Variants in RNF222 observed in about 807,000 individuals in gnomAD.
RNF222 encodes ring finger protein 222.
A neutral mutation model predicts 10.8 loss-of-function variants in RNF222; 14 were observed. The observed-to-expected ratio is 1.30, with a 90% CI of 0.86 to 2.03. RNF222 has a LOEUF of 2.03. RNF222 is among the 30% of genes most tolerant of loss of function. The pLI is 0.00. For missense variants in RNF222, 298 were observed against 295.8 expected (o/e 1.01, Z -0.06); for synonymous variants, 141 against 142.5 (o/e 0.99, Z 0.07).
chr17:8,394,383 G>A (rs1436168482), intron 1 of RNF222, 54 bp from the exon 2 acceptor site: 5 of 152,012 alleles, frequency 3.3e-5, no homozygotes, highest in Admixed American at 2.6e-4. Flanking sequence ...TGAAATCAAA[G>A]CTATGGAGTA....
At chr17:8,394,118 T>C (rs1907963107) in intron 2 of RNF222, 60 bp downstream of exon 2, 1 of 152,252 alleles carries the variant, frequency 6.6e-6, no homozygotes, top group Admixed American at 6.5e-5. Flanking sequence ...ACTTACACAT[T>C]CAAATGCCTG....
At position 8,393,408 on chromosome 17, in the gene RNF222, A is replaced by G. The variant is rs1338953355; in HGVS notation, c.54T>C (p.Tyr18=). The G allele has an allele frequency of 3.2e-6, 5 of 1,549,020 alleles. No individual in the cohort carries two copies. Among genetic ancestry groups the G allele is most frequent in the South Asian group, 2.4e-5 (2 of 84,012 alleles). ...DSSGSECPVC[Y]EKFRDLEGAS... ...CGCCCTCCAGGTCCCGGAACTTCTC[A>G]TAGCACACGGGGCACTCACTGCCCG... The change falls in exon 3 of 3, where the codon TAT becomes TAC. Residue 18 remains tyrosine, a synonymous_variant. Transcript: ENST00000399398.
chr17:8,396,774 G>A (rs568821986), intron 1 of RNF222, among the ~76,000 whole-genome samples: 14 of 152,086 alleles, frequency 9.2e-5, no homozygotes, highest in African/African-American at 2.2e-4. Flanking sequence ...TGCCTCTCTC[G>A]CTTTCTGAAT....
intron 1 of RNF222, among the ~76,000 whole-genome samples, chr17:8,396,750 C>T (rs946352672): frequency 1.3e-5 from 2 of 152,196 alleles, no homozygotes; most frequent in Admixed American, 1.3e-4. Context: ...CAGTCTTTCC[C>T]TGACCCCTCC....
Position 8,396,386 on chromosome 17 carries a change from C to T in RNF222, c.-178+1309G>A, listed in dbSNP as rs536070309. On this transcript the variant is annotated intron_variant, in intron 1 of 2. Coordinates refer to ENST00000399398, the MANE Select transcript of RNF222 (RefSeq NM_001146684.3). ...TATTAGCCAAGTTAGAAAGCACCGTCCTCCTTGAGACGAGCAGGGAAGGAG... is the reference window on the plus strand; with the variant it reads ...TATTAGCCAAGTTAGAAAGCACCGTTCTCCTTGAGACGAGCAGGGAAGGAG... Among the ~76,000 whole-genome samples, 5 of 152,232 alleles carry T rather than the reference C, an allele frequency of 3.3e-5. No homozygotes were observed. In the South Asian group the frequency reaches 1.0e-3, roughly 32 times the overall value.
rs2151680750 is a variant in RNF222 at position 8,391,710 on chromosome 17, A to T, written c.*1089T>A. On this transcript the variant is annotated 3_prime_UTR_variant, in exon 3 of 3. Coordinates refer to ENST00000399398, the MANE Select transcript of RNF222 (RefSeq NM_001146684.3). The stretch of plus-strand genomic sequence containing the variant: ...CTAGACCCAACCTGAGGCTCTTCAC[A>T]GTCCAACGTGGGGGCCCCAGGCAAA... 1 of 152,358 alleles carries T rather than the reference A, an allele frequency of 6.6e-6. No homozygotes were observed. The highest frequency in any genetic ancestry group is 1.5e-5 in the Non-Finnish European group (1 of 68,058). 9.4% of individuals were successfully genotyped at this position (152,358 alleles called of 1,614,324 possible). A position where few individuals can be genotyped will look rare whatever the true frequency, so the allele number is the denominator to read the frequency against.
At chr17:8,394,457 A>T (rs1372778121) in intron 1 of RNF222, 128 bp from the exon 2 acceptor site, 107 of 117,750 alleles carry the variant, frequency 9.1e-4, no homozygotes, top group African/African-American at 3.1e-3. Context: ...TTTTTTTTTG[A>T]GAGGGAGTTT....
chr17:8,393,245 T>G lies in RNF222; in HGVS notation c.217A>C (p.Lys73Gln). ...ICRYVTFLSK[K>Q]SSRWPSMLDK... ...AGCATGGAGGGCCAGCGGGAGCTCT[T>G]CTTGCTGAGGAATGTGACGTAGCGG... The change falls in exon 3 of 3, where the codon AAG becomes CAG. Residue 73 changes from lysine to glutamine, a missense_variant. By Grantham distance (53) the Lys-to-Gln change is moderately conservative (BLOSUM62 1). Transcript: ENST00000399398. The G allele has an allele frequency of 6.4e-7, 1 of 1,551,158 alleles. No individual in the cohort carries two copies. The highest frequency in any genetic ancestry group is 8.7e-7 in the Non-Finnish European group (1 of 1,146,964).
At position 8,394,177 on chromosome 17, in the gene RNF222, C is replaced by T. The variant is rs1206619332; in HGVS notation, c.-26+1G>A. 6.6e-6 allele frequency: 1 copy of T among 152,270 alleles called. No individual in the cohort carries two copies. Among genetic ancestry groups the T allele is most frequent in the East Asian group, 1.9e-4 (1 of 5,202 alleles). 9.4% of individuals were successfully genotyped at this position (152,270 alleles called of 1,614,324 possible). On this transcript the variant is annotated splice_donor_variant, in intron 2 of 2. Transcript: ENST00000399398. LOFTEE classifies it low-confidence loss of function (5UTR_SPLICE). Reference sequence around the variant, plus strand: ...AGGGAGCTTTAGGTTCATTCCCTCACCTGCCACAGCTCAGTCATTCTCCAA... The same window carrying T: ...AGGGAGCTTTAGGTTCATTCCCTCATCTGCCACAGCTCAGTCATTCTCCAA...
In RNF222 at chr17:8,392,865, G is replaced by T. The variant is rs1005841353; in HGVS notation, c.597C>A (p.Leu199=). The T allele has an allele frequency of 6.5e-7, 1 of 1,533,412 alleles. No homozygotes were observed. The highest frequency in any genetic ancestry group is 8.7e-7 in the Non-Finnish European group (1 of 1,146,302). 95.0% of individuals were successfully genotyped at this position (1,533,412 alleles called of 1,614,324 possible). A position where few individuals can be genotyped will look rare whatever the true frequency, so the allele number is the denominator to read the frequency against. ...CGGCCACCACGGCCACCACAGCGAT[G>T]AGCGTGATGAGCAGCAGGGCCCGCG... The part of the protein sequence containing the change: ...CRSRALLLIT[L]IAVVAVVAAI... Residue 199 remains leucine (L), a synonymous_variant, in exon 3 of 3, where the codon CTC becomes CTA. Coordinates refer to ENST00000399398, the MANE Select transcript of RNF222 (RefSeq NM_001146684.3). This position sits in a 1 kb window ranked among gnomAD's most constrained non-coding sequence, Gnocchi z 4.3.
At chr17:8,393,843 T>C (rs1222397541) in intron 2 of RNF222, among the ~76,000 whole-genome samples, 1 of 152,176 alleles carries the variant, frequency 6.6e-6, no homozygotes, top group African/African-American at 2.4e-5. Flanking sequence ...CACCTCTTCC[T>C]GCTTCAGTGA....
intron 1 of RNF222, among the ~76,000 whole-genome samples, chr17:8,394,663 C>G (rs1907984364): frequency 6.6e-6 from 1 of 152,178 alleles, no homozygotes; most frequent in Non-Finnish European, 1.5e-5. Context: ...GTCTTGAACT[C>G]CTGACCTCCG....
Position 8,397,751 on chromosome 17 carries a change from C to G in RNF222, c.-234G>C, listed in dbSNP as rs1019124961. On this transcript the variant is annotated 5_prime_UTR_variant, in exon 1 of 3. Transcript: ENST00000399398. ...GGCCTCCAGCAGATCTGAGCCACCC[C>G]GAGGTGCTGAGCAGCAGCACGATCT... The G allele has an allele frequency of 1.3e-5, 2 of 152,560 alleles. No homozygotes were observed. The highest frequency in any genetic ancestry group is 6.5e-5 in the Admixed American group (1 of 15,274). 9.5% of individuals were successfully genotyped at this position (152,560 alleles called of 1,614,324 possible).
In RNF222 at chr17:8,391,938, G is replaced by A. The variant is rs1422833142; in HGVS notation, c.*861C>T. 6.6e-6 allele frequency: 1 copy of A among 152,332 alleles called. No individual in the cohort carries two copies. Among genetic ancestry groups the A allele is most frequent in the African/African-American group, 2.4e-5 (1 of 41,436 alleles). The allele number at this position is 152,332 out of a possible 1,614,324, so 9.4% of individuals were successfully genotyped here. The stretch of plus-strand genomic sequence containing the variant: ...AGGAGGAGGACTAGCTGGGAGGGAG[G>A]CGGGAGCCCCCAGGGGTTCGTTTGC... On this transcript the variant is annotated 3_prime_UTR_variant, in exon 3 of 3. Transcript: ENST00000399398.
Position 8,393,339 on chromosome 17 carries a change from G to T in RNF222, c.123C>A (p.Cys41Ter), listed in dbSNP as rs1907926851. The stretch of plus-strand genomic sequence containing the variant: ...GGGTGGACAGCAGGTACTTGACCAG[G>T]CAGTCATGGCAGAACACATGGCCAC... ...LSCGHVFCHDCLVKYLLSTRV... is the reference protein window; with the variant it reads ...LSCGHVFCHD The change falls in exon 3 of 3, where the codon TGC becomes TGA. Residue 41 changes from cysteine to a stop codon, truncating the protein, a stop_gained. Coordinates refer to ENST00000399398, the MANE Select transcript of RNF222 (RefSeq NM_001146684.3). LOFTEE classifies it high-confidence loss of function. 6.4e-7 allele frequency: 1 copy of T among 1,551,536 alleles called. No homozygotes were observed. Among genetic ancestry groups the T allele is most frequent in the African/African-American group, 1.4e-5 (1 of 73,030 alleles).
Position 8,392,857 on chromosome 17 carries a change from A to G in RNF222, c.605T>C (p.Val202Ala), listed in dbSNP as rs78512177. ...CAGGATGGCGGCCACCACGGCCACC[A>G]CAGCGATGAGCGTGATGAGCAGCAG... The part of the protein sequence containing the change: ...RALLLITLIA[V>A]VAVVAAILPW... The change falls in exon 3 of 3, where the codon GTG becomes GCG. Residue 202 changes from valine (V) to alanine (A), a missense_variant. Physicochemically the swap from Val to Ala is moderately conservative, Grantham distance 64 (BLOSUM62 0). Transcript: ENST00000399398. The surrounding 1 kb of genome is among the most constrained non-coding windows in gnomAD (Gnocchi z 4.3). The G allele has an allele frequency of 2.5e-3, 3,825 of 1,533,356 alleles. 70 individuals carry two copies. The African/African-American group carries it at 0.046, about 18-fold the overall frequency. 95.0% of individuals were successfully genotyped at this position (1,533,356 alleles called of 1,614,324 possible).
chr17:8,396,860 C>T (rs1908053881), intron 1 of RNF222, among the ~76,000 whole-genome samples: 1 of 152,062 alleles, frequency 6.6e-6, no homozygotes, highest in African/African-American at 2.4e-5. Context: ...GAGAGGGCAA[C>T]AGAAGAAATG....
At position 8,391,558 on chromosome 17, in the gene RNF222, A is replaced by C. The variant is rs1456685011; in HGVS notation, c.*1241T>G. ...GGAGGTTGGGGGCTCAGCTGTGGGC[A>C]CAGCTGGGTGCAGACCACCACTTAG... is the stretch of plus-strand genomic sequence containing the variant. On this transcript the variant is annotated 3_prime_UTR_variant, in exon 3 of 3. Transcript: ENST00000399398. 2 of 151,964 alleles carry C rather than the reference A, an allele frequency of 1.3e-5. No homozygotes were observed. Among genetic ancestry groups the C allele is most frequent in the African/African-American group, 2.4e-5 (1 of 41,338 alleles). 9.4% of individuals were successfully genotyped at this position (151,964 alleles called of 1,614,324 possible).
At chr17:8,397,030 T>G (rs546009150) in intron 1 of RNF222, among the ~76,000 whole-genome samples, 186 of 152,220 alleles carry the variant, frequency 1.2e-3, no homozygotes, top group African/African-American at 4.3e-3. Flanking sequence ...AAATAATTAT[T>G]ATTATTTACA....
Sources: gnomAD v4.1 joint callset for allele counts (sites outside exome capture counted in the v4.1 genomes callset) on GRCh38, gnomAD v4.1.1 for gene constraint, Gnocchi (gnomAD v3.1) non-coding constraint, MANE v1.5 for transcripts, NCBI Gene and HGNC (gene_info 2026-07-23, HGNC 2026-07-21) for gene names.